ITPR2: variants seen among roughly 807,000 people sequenced by gnomAD.
The protein encoded by ITPR2 is inositol 1,4,5-trisphosphate-gated calcium channel ITPR2.
Under a neutral mutation model 317.1 loss-of-function variants are expected in ITPR2, and 207 were observed. The observed-to-expected ratio is 0.65, with a 90% CI of 0.58 to 0.73. The LOEUF (loss-of-function observed/expected upper bound fraction) is 0.73, where lower values mean the gene tolerates loss of function less well. ITPR2 is among the 30% of genes least tolerant of loss of function. ITPR2 has a pLI of 0.00. For synonymous variants in ITPR2, 1,156 were observed against 1,149.1 expected, an observed-to-expected ratio of 1.01 and a Z score of -0.12; for missense variants, 2,613 against 3,284.0, an observed-to-expected ratio of 0.80 and a Z score of 4.99.
At chr12:26,383,284 C>A (rs1939563805) in intron 55 of ITPR2, among the ~76,000 whole-genome samples, 1 of 151,974 alleles carries the variant, frequency 6.6e-6, no homozygotes, top group African/African-American at 2.4e-5. Flanking sequence ...GCCAAATAAA[C>A]CTCTTTTCTT....
chr12:26,662,168 A>AT (rs1947519249), intron 15 of ITPR2, among the ~76,000 whole-genome samples: 1 of 152,184 alleles, frequency 6.6e-6, no homozygotes, highest in African/African-American at 2.4e-5. Flanking sequence ...AAGCCAAAAC[A>AT]TTTTAACACA....
At chr12:26,615,806 T>C (rs1249078469) in intron 26 of ITPR2, among the ~76,000 whole-genome samples, 1 of 152,158 alleles carries the variant, frequency 6.6e-6, no homozygotes, top group African/African-American at 2.4e-5. Flanking sequence ...AAACATACCA[T>C]TGTAGTGGAA....
At chr12:26,391,147 G>C (rs908718503) in intron 54 of ITPR2, among the ~76,000 whole-genome samples, 2 of 152,174 alleles carry the variant, frequency 1.3e-5, no homozygotes, top group Non-Finnish European at 2.9e-5. Flanking sequence ...TTTTTATTGA[G>C]CATCTATTGA....
At chr12:26,697,260 C>T (rs908102556) in intron 9 of ITPR2, among the ~76,000 whole-genome samples, 2 of 152,122 alleles carry the variant, frequency 1.3e-5, no homozygotes, top group African/African-American at 4.8e-5. Flanking sequence ...TCCACTCAAC[C>T]CTCTGGTTCT....
At chr12:26,652,109 A>C (rs910355618) in intron 21 of ITPR2, among the ~76,000 whole-genome samples, 2 of 152,194 alleles carry the variant, frequency 1.3e-5, no homozygotes, top group African/African-American at 4.8e-5. Context: ...TGATTTTCAT[A>C]CAATTTCATT....
intron 55 of ITPR2, among the ~76,000 whole-genome samples, chr12:26,348,887 C>G (rs7978056): frequency 1 from 151,946 of 152,032 alleles, 75,930 homozygotes; most frequent in Middle Eastern, 1. Context: ...GGTCAACATA[C>G]CAAGACCTCA....
chr12:26,584,889 A>C (rs1054348330), intron 32 of ITPR2, among the ~76,000 whole-genome samples: 1 of 152,224 alleles, frequency 6.6e-6, no homozygotes, highest in African/African-American at 2.4e-5. Context: ...GTTCCTCTAA[A>C]TATCTGAGGT....
intron 37 of ITPR2, among the ~76,000 whole-genome samples, chr12:26,548,389 G>A (rs1386679386): frequency 2.0e-5 from 3 of 152,100 alleles, no homozygotes; most frequent in Non-Finnish European, 2.9e-5. Context: ...CAAATGGAGG[G>A]CCTGGAACAC....
At chr12:26,771,656 A>T (rs1949845963) in intron 2 of ITPR2, among the ~76,000 whole-genome samples, 1 of 152,120 alleles carries the variant, frequency 6.6e-6, no homozygotes. Context: ...CTGGGACTAC[A>T]GGTGCCCAAC....
intron 55 of ITPR2, among the ~76,000 whole-genome samples, chr12:26,350,663 C>G (rs1195321229): frequency 6.6e-6 from 1 of 152,016 alleles, no homozygotes; most frequent in East Asian, 1.9e-4. Context: ...GGTCTCACCC[C>G]CCAGACAACA....
chr12:26,430,804 T>C (rs1028353536), intron 48 of ITPR2, among the ~76,000 whole-genome samples: 8 of 152,230 alleles, frequency 5.3e-5, no homozygotes, highest in South Asian at 2.1e-4. Flanking sequence ...GTTCACATAA[T>C]GGAGCTCTGC....
intron 37 of ITPR2, among the ~76,000 whole-genome samples, chr12:26,541,441 A>G (rs1360215970): frequency 6.6e-6 from 1 of 152,238 alleles, no homozygotes; most frequent in Admixed American, 6.5e-5. Flanking sequence ...GAGCACTTAT[A>G]TTACAAAACA....
rs1163144336 is a variant in ITPR2, at chr12:26,339,366, G to A, written c.*31C>T. On this transcript the variant is annotated 3_prime_UTR_variant, in exon 57 of 57. Coordinates refer to ENST00000381340, the MANE Select transcript of ITPR2 (RefSeq NM_002223.4). ...TTCAGTGATCAGGCAGGACACTGATGAAAGGCTAGTCACGGCTTCCCCCCA... is the reference window on the plus strand; with the variant it reads ...TTCAGTGATCAGGCAGGACACTGATAAAAGGCTAGTCACGGCTTCCCCCCA... The A allele has an allele frequency of 6.4e-7, 1 of 1,559,430 alleles. No homozygotes were observed. Among genetic ancestry groups the A allele is most frequent in the Admixed American group, 1.7e-5 (1 of 59,898 alleles).
intron 34 of ITPR2, 140 bp from the exon 35 acceptor site, chr12:26,562,092 A>T: frequency 1.7e-6 from 1 of 581,150 alleles, no homozygotes; most frequent in South Asian, 3.9e-5. Context: ...ATAACTGTAA[A>T]AGCTTCTAAC....
chr12:26,726,907 C>T (rs1948937052), intron 2 of ITPR2, among the ~76,000 whole-genome samples: 1 of 152,026 alleles, frequency 6.6e-6, no homozygotes, highest in African/African-American at 2.4e-5. Context: ...TATAAGAACA[C>T]ATATTCCCCA....
At chr12:26,711,354 T>C in intron 8 of ITPR2, 86 bp from the exon 9 acceptor site, 6 of 872,080 alleles carry the variant, frequency 6.9e-6, no homozygotes, top group Non-Finnish European at 1.2e-5. Context: ...CCTGCCCTCC[T>C]GTTAATACTG....
rs376015039 is a variant in ITPR2, at chr12:26,418,432, C to T, written c.7110+617G>A. ...CCTGGTTTATGGCTATAAACCAGTA[C>T]ATATATAGGAAGGTAAATCAGAATT... On this transcript the variant is annotated intron_variant, in intron 50 of 56. Transcript: ENST00000381340. Among the ~76,000 whole-genome samples the T allele has an allele frequency of 1.4e-4, 22 of 152,062 alleles. No individual in the cohort carries two copies. In the South Asian group the frequency reaches 4.2e-3, roughly 29 times the overall value.
At chr12:26,797,852 C>G (rs1306955951) in intron 1 of ITPR2, among the ~76,000 whole-genome samples, 4 of 151,572 alleles carry the variant, frequency 2.6e-5, no homozygotes, top group Admixed American at 2.6e-4. Flanking sequence ...CTACCACACC[C>G]GGCTAATTTT....
intron 1 of ITPR2, among the ~76,000 whole-genome samples, chr12:26,818,218 T>C (rs1229962924): frequency 6.6e-6 from 1 of 152,274 alleles, no homozygotes; most frequent in Non-Finnish European, 1.5e-5. Context: ...AATCACTTCA[T>C]GGGTATCCAT....
Sources: gnomAD v4.1 joint callset for allele counts (sites outside exome capture counted in the v4.1 genomes callset) on GRCh38, gnomAD v4.1.1 for gene constraint, MANE v1.5 for transcripts, NCBI Gene and HGNC (gene_info 2026-07-23, HGNC 2026-07-21) for gene names.